LARP4: variants seen among roughly 807,000 people sequenced by gnomAD.
The protein encoded by LARP4 is la-related protein 4.
Under a neutral mutation model 92.9 loss-of-function variants are expected in LARP4, and 29 were observed. The observed-to-expected ratio is 0.31, with a 90% CI of 0.23 to 0.43. The LOEUF is 0.43. Ranked by LOEUF, LARP4 falls within the 20% of genes least tolerant of loss-of-function variation. LARP4 has a pLI of 1.00. For synonymous variants in LARP4, 279 were observed against 284.1 expected (o/e 0.98, Z 0.18); for missense variants, 732 against 860.0 (o/e 0.85, Z 1.86).
Position 50,406,152 on chromosome 12 carries a change from G to A in LARP4, c.18+5124G>A, listed in dbSNP as rs371566167. Among the ~76,000 whole-genome samples, 6 of 152,114 alleles carry A rather than the reference G, an allele frequency of 3.9e-5. No individual in the cohort carries two copies. In the South Asian group the frequency reaches 1.0e-3, roughly 26 times the overall value. ...AGTTAAGTTTCATACGACCTAGGAC[G>A]CTTTAATAACTCTTAAATAATTAAA... On this transcript the variant is annotated intron_variant, in intron 1 of 15. Transcript: ENST00000398473.
intron 8 of LARP4, among the ~76,000 whole-genome samples, chr12:50,446,826 G>A (rs1391115154): frequency 1.3e-5 from 2 of 152,054 alleles, no homozygotes; most frequent in Non-Finnish European, 2.9e-5. Context: ...CATTACTTAG[G>A]TAAAAGCAAT....
At chr12:50,403,439 T>C (rs1312376678) in intron 1 of LARP4, among the ~76,000 whole-genome samples, 1 of 152,250 alleles carries the variant, frequency 6.6e-6, no homozygotes, top group African/African-American at 2.4e-5. Context: ...TTATGCTCAT[T>C]ACTTGCTATA....
intron 1 of LARP4, among the ~76,000 whole-genome samples, chr12:50,426,736 T>TGTGTGTGG (rs1565987580): frequency 7.0e-6 from 1 of 142,440 alleles, no homozygotes; most frequent in African/African-American, 2.6e-5. Flanking sequence ...TGTGTGGTTT[T>TGTGTGTGG]TTTTTTTTTT....
chr12:50,423,548 C>T (rs1294605539), intron 1 of LARP4, among the ~76,000 whole-genome samples: 5 of 151,908 alleles, frequency 3.3e-5, no homozygotes, highest in Admixed American at 1.3e-4. Context: ...TTCAGGGTTC[C>T]AGCGATTCTC....
At position 50,453,666 on chromosome 12, in the gene LARP4, A is replaced by G. The variant is rs1593269766; in HGVS notation, c.1011A>G (p.Thr337=). 1.3e-6 allele frequency: 2 copies of G among 1,574,332 alleles called. No homozygotes were observed. Among genetic ancestry groups the G allele is most frequent in the Non-Finnish European group, 1.7e-6 (2 of 1,146,806 alleles). The change falls in exon 9 of 16, where the codon ACA becomes ACG. Residue 337 remains threonine (T), a synonymous_variant. Coordinates refer to ENST00000398473, the MANE Select transcript of LARP4 (RefSeq NM_052879.5). ...WSPNPTPYFE[T]PLAPFPNGSF... ...CAAATCCTACACCTTACTTTGAAACACCACTGGTAAGTGAGATCCTTACAA... is the reference window on the plus strand; with the variant it reads ...CAAATCCTACACCTTACTTTGAAACGCCACTGGTAAGTGAGATCCTTACAA...
At chr12:50,432,091 G>A (rs1411926244) in intron 4 of LARP4, among the ~76,000 whole-genome samples, 1 of 152,000 alleles carries the variant, frequency 6.6e-6, no homozygotes, top group Non-Finnish European at 1.5e-5. Context: ...AGCCGAGGTT[G>A]CAGCACTGCA....
intron 8 of LARP4, among the ~76,000 whole-genome samples, chr12:50,451,291 CA>C (rs985571136): frequency 6.6e-6 from 1 of 152,184 alleles, no homozygotes. Flanking sequence ...TGTTAGATTT[CA>C]AATACAAGTG....
rs186446199 is a variant in LARP4, at chr12:50,424,445, G to C, written c.19-3317G>C. Among the ~76,000 whole-genome samples, 205 of 151,206 alleles carry C rather than the reference G, an allele frequency of 1.4e-3. 1 individual carries two copies. The highest frequency in any genetic ancestry group is 6.5e-3 in the Admixed American group (98 of 15,138). On this transcript the variant is annotated intron_variant, in intron 1 of 15. Transcript: ENST00000398473. ...CCGATCTCGGCTCACCGCAACCACT[G>C]TCTATGGGGTTCAAGCGATTCTCTT... is the stretch of plus-strand genomic sequence containing the variant.
At chr12:50,428,087 C>T (rs1347387848) in intron 2 of LARP4, among the ~76,000 whole-genome samples, 178 bp downstream of exon 2, 1 of 151,436 alleles carries the variant, frequency 6.6e-6, no homozygotes, top group African/African-American at 2.4e-5. Flanking sequence ...CCTCCACCTC[C>T]CGGGTCCAAG....
chr12:50,475,776 G>A lies in LARP4; in HGVS notation c.2087G>A (p.Arg696Lys). 2 of 1,614,170 alleles carry A rather than the reference G, an allele frequency of 1.2e-6. No individual in the cohort carries two copies. Among genetic ancestry groups the A allele is most frequent in the South Asian group, 2.2e-5 (2 of 91,082 alleles). ...RGAAGKIREQ[R>K]RQFSHRAIPQ... is the part of the protein sequence containing the mutation. ...GCAGCAGGAAAAATCAGGGAACAGA[G>A]ACGCCAGTTTAGCCATAGGGCTATA... is the stretch of plus-strand genomic sequence containing the variant. The change falls in exon 16 of 16, where the codon AGA becomes AAA. Residue 696 changes from arginine to lysine, a missense_variant. Arg to Lys is a conservative substitution (Grantham distance 26). Around this residue, in one of 7 missense-constraint regions of LARP4, gnomAD observed 115 missense variants for 129.1 expected, o/e 0.89. Coordinates refer to ENST00000398473, the MANE Select transcript of LARP4 (RefSeq NM_052879.5).
At chr12:50,436,873 A>C (rs994841343) in intron 5 of LARP4, among the ~76,000 whole-genome samples, 3 of 152,244 alleles carry the variant, frequency 2.0e-5, no homozygotes, top group African/African-American at 7.2e-5. Flanking sequence ...AGAGGATTAC[A>C]AACATTAATG....
At position 50,471,516 on chromosome 12, in the gene LARP4, G is replaced by A. The variant is rs539317254; in HGVS notation, c.1546-1899G>A. ...ATACATCAGCTTGTGTTCTTTTAAA[G>A]TTTTAAAGTCTTTCGAGTGTTTTTT... is the stretch of plus-strand genomic sequence containing the variant. On this transcript the variant is annotated intron_variant, in intron 13 of 15. Transcript: ENST00000398473. 3.0e-4 allele frequency among the ~76,000 whole-genome samples: 46 copies of A among 152,250 alleles called. 2 individuals are homozygous for A. The South Asian group carries it at 9.3e-3, about 31-fold the overall frequency.
At chr12:50,459,778 C>A (rs1201478171) in intron 10 of LARP4, among the ~76,000 whole-genome samples, 1 of 139,616 alleles carries the variant, frequency 7.2e-6, no homozygotes, top group African/African-American at 2.7e-5. Context: ...GACCTGAGAT[C>A]GCGCCATTGC....
chr12:50,440,258 C>G (rs916323098), intron 6 of LARP4, among the ~76,000 whole-genome samples, 181 bp from the exon 7 acceptor site: 1 of 152,134 alleles, frequency 6.6e-6, no homozygotes, highest in Admixed American at 6.5e-5. Flanking sequence ...AATATATCTC[C>G]TATTAACTCT....
Position 50,448,508 on chromosome 12 carries a change from TTG to T in LARP4, c.805-4950_805-4949del, listed in dbSNP as rs1388890008. Among the ~76,000 whole-genome samples the T allele has an allele frequency of 1.4e-4, 21 of 152,278 alleles. No individual in the cohort carries two copies. The East Asian group carries it at 4.1e-3, about 29-fold the overall frequency. On this transcript the variant is annotated intron_variant, in intron 8 of 15. Transcript: ENST00000398473. Reference sequence around the variant, plus strand: ...ATTTCATCCATAAATAAATTAAGATTTGTATCTCTATCAAGAGGGATTCTTTC... The same window carrying T: ...ATTTCATCCATAAATAAATTAAGATTTATCTCTATCAAGAGGGATTCTTTC...
chr12:50,446,679 A>G lies in LARP4; in HGVS notation c.804+5036A>G, dbSNP rs533954725. Among the ~76,000 whole-genome samples, 66 of 151,026 alleles carry G rather than the reference A, an allele frequency of 4.4e-4. 1 individual carries two copies. Among genetic ancestry groups the G allele is most frequent in the African/African-American group, 1.6e-3 (64 of 40,832 alleles). ...CCTGACCTTGTGATCCGCCCGCCTC[A>G]GCCCCCCAAAGTACTGGGATTGGAG... On this transcript the variant is annotated intron_variant, in intron 8 of 15. Transcript: ENST00000398473.
At chr12:50,437,675 T>C in intron 5 of LARP4, 60 bp from the exon 6 acceptor site, 1 of 920,056 alleles carries the variant, frequency 1.1e-6, no homozygotes, top group African/African-American at 1.7e-5. Context: ...GTTTCTTTAA[T>C]GGCATTAATA....
intron 1 of LARP4, among the ~76,000 whole-genome samples, chr12:50,411,749 C>T (rs1450606642): frequency 6.6e-6 from 1 of 152,078 alleles, no homozygotes; most frequent in Non-Finnish European, 1.5e-5. Flanking sequence ...GGCGTGATCT[C>T]ATCTCACTGT....
rs1038330505 is a variant in LARP4 at position 50,476,843 on chromosome 12, A to G, written c.*979A>G. 6.6e-6 allele frequency: 1 copy of G among 152,540 alleles called. No homozygotes were observed. Among genetic ancestry groups the G allele is most frequent in the Non-Finnish European group, 1.5e-5 (1 of 68,034 alleles). The allele number at this position is 152,540 out of a possible 1,614,324, so 9.4% of individuals were successfully genotyped here. ...TTGAGCAGTCTAGTCAAATCATATA[A>G]ATTGTTCTAAATTTCAGAATTGAAC... On this transcript the variant is annotated 3_prime_UTR_variant, in exon 16 of 16. Transcript: ENST00000398473.
Sources: allele counts gnomAD v4.1 joint callset (sites outside exome capture counted in the v4.1 genomes callset), GRCh38; gene constraint gnomAD v4.1.1; regional missense constraint gnomAD v4.1.1; transcripts MANE v1.5; gene names NCBI Gene and HGNC (gene_info 2026-07-23, HGNC 2026-07-21).